The following DNAH11 variants were observed in gnomAD, a reference collection of about 807,000 sequenced individuals.
The protein encoded by DNAH11 is dynein axonemal heavy chain 11.
In DNAH11, 442 loss-of-function variants were observed where a neutral mutation model predicts 526.0. The observed-to-expected ratio is 0.84, with a 90% confidence interval of 0.78 to 0.91. DNAH11 has a LOEUF of 0.91. Ranked by LOEUF, DNAH11 falls within the 40% of genes least tolerant of loss-of-function variation. DNAH11 has a pLI of 0.00. For synonymous variants in DNAH11, 2,461 were observed against 1,935.9 expected, an observed-to-expected ratio of 1.27 and a Z score of -7.12; for missense variants, 6,989 against 5,448.7, an observed-to-expected ratio of 1.28 and a Z score of -8.90.
rs760177068 is a variant in DNAH11 at position 21,787,526 on chromosome 7, A to G, written c.9867A>G (p.Lys3289=). The G allele has an allele frequency of 5.6e-6, 9 of 1,613,478 alleles. No individual in the cohort carries two copies. Among genetic ancestry groups the G allele is most frequent in the African/African-American group, 2.7e-5 (2 of 74,916 alleles). Residue 3289 remains lysine, a synonymous_variant, in exon 60 of 82, where the codon AAA becomes AAG. Transcript: ENST00000409508. Reference sequence around the variant, plus strand: ...TTAATCCAAACCTGATTCGAACCAAATCTTTTGCAGCAGCTGGCCTGTGTG... The same window carrying G: ...TTAATCCAAACCTGATTCGAACCAAGTCTTTTGCAGCAGCTGGCCTGTGTG... ...PEFNPNLIRT[K]SFAAAGLCAW... is the part of the protein sequence containing the mutation.
intron 62 of DNAH11, among the ~76,000 whole-genome samples, chr7:21,803,198 T>G (rs1042067153): frequency 2.0e-5 from 3 of 152,154 alleles, no homozygotes; most frequent in Non-Finnish European, 2.9e-5. Flanking sequence ...AACTGCACTA[T>G]TAGAAATGCA....
chr7:21,749,853 T>C (rs376288490), intron 53 of DNAH11, 52 bp downstream of exon 53: 2 of 1,607,612 alleles, frequency 1.2e-6, no homozygotes, highest in East Asian at 4.5e-5. Flanking sequence ...ACAAATTATC[T>C]GTAGTTTCAG....
intron 44 of DNAH11, among the ~76,000 whole-genome samples, chr7:21,722,841 T>C (rs1784935379): frequency 6.6e-6 from 1 of 152,166 alleles, no homozygotes; most frequent in African/African-American, 2.4e-5. Flanking sequence ...TTTACCCTTT[T>C]CTCCCTTTCT....
intron 65 of DNAH11, among the ~76,000 whole-genome samples, chr7:21,819,433 A>G (rs868629372): frequency 1.3e-5 from 2 of 152,198 alleles, no homozygotes; most frequent in African/African-American, 4.8e-5. Flanking sequence ...ACCCAGGCAC[A>G]CATTTAGAAC....
chr7:21,796,794 C>T (rs116339148), intron 61 of DNAH11, among the ~76,000 whole-genome samples: 1 of 152,318 alleles, frequency 6.6e-6, no homozygotes, highest in African/African-American at 2.4e-5. Flanking sequence ...ATGAAAAAAT[C>T]TCTCTGAGAC....
chr7:21,737,465 T>C (rs771942776), intron 46 of DNAH11, among the ~76,000 whole-genome samples: 1 of 152,100 alleles, frequency 6.6e-6, no homozygotes, highest in African/African-American at 2.4e-5. Flanking sequence ...CTGTATTTCA[T>C]TTGATGGAAA....
At chr7:21,703,261 G>A (rs1041616156) in intron 37 of DNAH11, among the ~76,000 whole-genome samples, 8 of 152,146 alleles carry the variant, frequency 5.3e-5, no homozygotes, top group Non-Finnish European at 8.8e-5. Context: ...GTGATTGGTT[G>A]GTCAGAGCTA....
chr7:21,753,238 G>A (rs1311675188), intron 54 of DNAH11, among the ~76,000 whole-genome samples: 2 of 152,160 alleles, frequency 1.3e-5, no homozygotes, highest in East Asian at 1.9e-4. Context: ...GAAGGAAGGG[G>A]AAGAGGACCT....
At chr7:21,860,657 C>A (rs923939416) in intron 68 of DNAH11, among the ~76,000 whole-genome samples, 2 of 152,166 alleles carry the variant, frequency 1.3e-5, no homozygotes, top group Non-Finnish European at 2.9e-5. Flanking sequence ...CGTGGATGAA[C>A]CTTGATATTA....
intron 39 of DNAH11, among the ~76,000 whole-genome samples, chr7:21,707,423 A>G (rs957883978): frequency 6.6e-6 from 1 of 152,246 alleles, no homozygotes; most frequent in Non-Finnish European, 1.5e-5. Flanking sequence ...CTTTGTACAC[A>G]TGATTAAAAA....
At chr7:21,865,657 A>G (rs1417190606) in intron 70 of DNAH11, among the ~76,000 whole-genome samples, 1 of 152,192 alleles carries the variant, frequency 6.6e-6, no homozygotes, top group African/African-American at 2.4e-5. Context: ...TGGGGTAGAA[A>G]TGTTTCCAGA....
chr7:21,599,700 TC>T (rs1562690592), intron 14 of DNAH11, 86 bp from the exon 15 acceptor site: 7 of 1,067,606 alleles, frequency 6.6e-6, no homozygotes, highest in Non-Finnish European at 9.1e-6. Flanking sequence ...TGCAGTCTCT[TC>T]TTTTACAAAC....
At chr7:21,753,231 G>A (rs991501447) in intron 54 of DNAH11, among the ~76,000 whole-genome samples, 6 of 152,154 alleles carry the variant, frequency 3.9e-5, no homozygotes, top group Admixed American at 3.3e-4. Flanking sequence ...GCAGGGGGAA[G>A]GAAGGGGAAG....
At chr7:21,790,845 C>A (rs1307543763) in intron 61 of DNAH11, among the ~76,000 whole-genome samples, 1 of 152,232 alleles carries the variant, frequency 6.6e-6, no homozygotes, top group Non-Finnish European at 1.5e-5. Flanking sequence ...CAAAGGTGAG[C>A]ATAGGCTTTC....
intron 9 of DNAH11, among the ~76,000 whole-genome samples, chr7:21,582,854 A>T (rs753662613): frequency 6.6e-6 from 1 of 152,182 alleles, no homozygotes; most frequent in Non-Finnish European, 1.5e-5. Flanking sequence ...GCAGACACAG[A>T]TTTTTAAAAG....
intron 61 of DNAH11, among the ~76,000 whole-genome samples, chr7:21,794,289 T>C (rs904581404): frequency 2.0e-5 from 3 of 152,224 alleles, no homozygotes; most frequent in African/African-American, 7.2e-5. Context: ...CATGGCTCCC[T>C]GTTTGCTGCT....
At chr7:21,569,865 C>A (rs1168047329) in intron 6 of DNAH11, among the ~76,000 whole-genome samples, 3 of 152,174 alleles carry the variant, frequency 2.0e-5, no homozygotes, top group Non-Finnish European at 4.4e-5. Flanking sequence ...ATAGTAGGGT[C>A]TCCTGTATGT....
chr7:21,895,505 A>C (rs2128049361), intron 79 of DNAH11, among the ~76,000 whole-genome samples: 1 of 152,328 alleles, frequency 6.6e-6, no homozygotes, highest in East Asian at 1.9e-4. Flanking sequence ...GCTAGGGCAG[A>C]AATTCACAGA....
At chr7:21,654,627 T>C (rs970825532) in intron 28 of DNAH11, among the ~76,000 whole-genome samples, 12 of 152,306 alleles carry the variant, frequency 7.9e-5, no homozygotes, top group African/African-American at 2.9e-4. Flanking sequence ...GGATCATTGC[T>C]AATTCTATGT....
Sources: gnomAD v4.1 joint callset for allele counts (sites outside exome capture counted in the v4.1 genomes callset) on GRCh38, gnomAD v4.1.1 for gene constraint, MANE v1.5 for transcripts, NCBI Gene and HGNC (gene_info 2026-07-23, HGNC 2026-07-21) for gene names.